SLC9A9: variants seen among roughly 807,000 people sequenced by gnomAD.
The protein encoded by SLC9A9 is solute carrier family 9 member A9.
A neutral mutation model predicts 77.8 loss-of-function variants in SLC9A9; 62 were observed. The observed-to-expected ratio is 0.80, with a 90% CI of 0.65 to 0.98. SLC9A9 has a LOEUF of 0.98. SLC9A9 is among the 50% of genes least tolerant of loss of function. The pLI, the probability that SLC9A9 is intolerant of heterozygous loss-of-function variation, is 0.00. For synonymous variants in SLC9A9, 320 were observed against 283.5 expected, an observed-to-expected ratio of 1.13 and a Z score of -1.29; for missense variants, 775 against 774.9, an observed-to-expected ratio of 1.00 and a Z score of 0.00.
intron 9 of SLC9A9, among the ~76,000 whole-genome samples, chr3:143,537,743 T>A (rs2036615766): frequency 6.6e-6 from 1 of 152,132 alleles, no homozygotes; most frequent in Non-Finnish European, 1.5e-5. Flanking sequence ...GGAAACAATT[T>A]ACTCCCCCCG....
intron 5 of SLC9A9, among the ~76,000 whole-genome samples, chr3:143,690,569 C>A (rs2108780466): frequency 6.6e-6 from 1 of 152,136 alleles, no homozygotes; most frequent in African/African-American, 2.4e-5. Flanking sequence ...GTTGTCATTA[C>A]AATAAAAGCA....
At chr3:143,580,701 C>T (rs1026260065) in intron 6 of SLC9A9, among the ~76,000 whole-genome samples, 4 of 152,194 alleles carry the variant, frequency 2.6e-5, no homozygotes, top group African/African-American at 9.7e-5. Flanking sequence ...CTGTAGTCTG[C>T]ACTTTGGGAA....
chr3:143,740,202 A>C (rs1046784685), intron 4 of SLC9A9, among the ~76,000 whole-genome samples: 1 of 152,196 alleles, frequency 6.6e-6, no homozygotes, highest in African/African-American at 2.4e-5. Flanking sequence ...TATGAGACTA[A>C]AGGAAGGAGA....
intron 14 of SLC9A9, among the ~76,000 whole-genome samples, chr3:143,345,797 AAAAAG>A (rs1306652711): frequency 1.3e-5 from 2 of 152,200 alleles, no homozygotes; most frequent in East Asian, 3.8e-4. Context: ...TGGGTATAAC[AAAAAG>A]ATGATGGAAT....
chr3:143,448,841 A>G (rs74208133), intron 12 of SLC9A9, among the ~76,000 whole-genome samples: 2,452 of 37,192 alleles, frequency 0.066, 93 homozygotes, highest in African/African-American at 0.11. Flanking sequence ...ATATATAATT[A>G]TAATATATTA....
chr3:143,714,830 A>G (rs1425190916), intron 4 of SLC9A9, among the ~76,000 whole-genome samples: 6 of 152,182 alleles, frequency 3.9e-5, no homozygotes, highest in Non-Finnish European at 8.8e-5. Context: ...AGGTTGGGGT[A>G]TGATATGGTT....
chr3:143,818,053 C>T (rs537488756), intron 2 of SLC9A9, among the ~76,000 whole-genome samples: 1 of 152,050 alleles, frequency 6.6e-6, no homozygotes, highest in Non-Finnish European at 1.5e-5. Flanking sequence ...ATGTAAATGA[C>T]TGGAAATTTA....
intron 4 of SLC9A9, among the ~76,000 whole-genome samples, chr3:143,756,250 G>T (rs2006920490): frequency 6.6e-6 from 1 of 152,126 alleles, no homozygotes; most frequent in Admixed American, 6.6e-5. Context: ...TAGACCTCAG[G>T]TTTCAGAAAA....
intron 8 of SLC9A9, among the ~76,000 whole-genome samples, chr3:143,555,362 A>G (rs769712787): frequency 6.6e-5 from 10 of 152,210 alleles, no homozygotes; most frequent in Non-Finnish European, 1.2e-4. Flanking sequence ...TATCAGCAGC[A>G]TGAAAATAGA....
intron 12 of SLC9A9, among the ~76,000 whole-genome samples, chr3:143,383,345 G>A (rs1415731986): frequency 6.6e-6 from 1 of 152,196 alleles, no homozygotes; most frequent in Admixed American, 6.5e-5. Context: ...GCACAGAAGT[G>A]ACTGCAGCCC....
chr3:143,277,987 T>G (rs951873342), intron 14 of SLC9A9, among the ~76,000 whole-genome samples: 1 of 152,092 alleles, frequency 6.6e-6, no homozygotes, highest in Non-Finnish European at 1.5e-5. Flanking sequence ...AAGATAAGGG[T>G]GGCAGCTCAT....
chr3:143,417,226 T>C (rs1026087638), intron 12 of SLC9A9, among the ~76,000 whole-genome samples: 1 of 151,864 alleles, frequency 6.6e-6, no homozygotes, highest in Non-Finnish European at 1.5e-5. Flanking sequence ...TCTTTCCAAG[T>C]TGGGTGACAC....
At chr3:143,476,596 T>G (rs1402990638) in intron 11 of SLC9A9, among the ~76,000 whole-genome samples, 4 of 152,228 alleles carry the variant, frequency 2.6e-5, no homozygotes, top group Non-Finnish European at 4.4e-5. Context: ...AGCTGAAATC[T>G]TCAACAGAGA....
chr3:143,392,053 C>G (rs1361432491), intron 12 of SLC9A9, among the ~76,000 whole-genome samples: 1 of 152,090 alleles, frequency 6.6e-6, no homozygotes, highest in Non-Finnish European at 1.5e-5. Flanking sequence ...GAGAACTTCC[C>G]CAATCTAGCA....
chr3:143,551,360 A>G (rs1223780996), intron 9 of SLC9A9, among the ~76,000 whole-genome samples: 1 of 152,194 alleles, frequency 6.6e-6, no homozygotes, highest in Non-Finnish European at 1.5e-5. Context: ...GTCCTTCACA[A>G]GATACGTAAG....
intron 12 of SLC9A9, among the ~76,000 whole-genome samples, chr3:143,385,993 G>A (rs1038351538): frequency 2.0e-5 from 3 of 152,128 alleles, no homozygotes; most frequent in Admixed American, 6.5e-5. Context: ...GGTATTTTGG[G>A]CCACGCTGGC....
chr3:143,705,779 T>G (rs1331834445), intron 4 of SLC9A9, among the ~76,000 whole-genome samples: 1 of 152,168 alleles, frequency 6.6e-6, no homozygotes, highest in African/African-American at 2.4e-5. Context: ...TTTACAGAAA[T>G]GACCACACAT....
At chr3:143,284,678 A>T (rs1404267007) in intron 14 of SLC9A9, among the ~76,000 whole-genome samples, 1 of 152,196 alleles carries the variant, frequency 6.6e-6, no homozygotes, top group African/African-American at 2.4e-5. Flanking sequence ...AGGAAACTGG[A>T]TCTTATGAGA....
chr3:143,706,241 C>T (rs1458710170), intron 4 of SLC9A9, among the ~76,000 whole-genome samples: 1 of 152,164 alleles, frequency 6.6e-6, no homozygotes, highest in Non-Finnish European at 1.5e-5. Flanking sequence ...ATCCAGGGAA[C>T]CATCGCCATC....
Sources: allele counts gnomAD v4.1 joint callset (sites outside exome capture counted in the v4.1 genomes callset), GRCh38; gene constraint gnomAD v4.1.1; transcripts MANE v1.5; gene names NCBI Gene and HGNC (gene_info 2026-07-23, HGNC 2026-07-21).